RPL7L1: variants seen among roughly 807,000 people sequenced by gnomAD.
RPL7L1 encodes ribosomal protein uL30-like.
A neutral mutation model predicts 30.3 loss-of-function variants in RPL7L1; 20 were observed. That is an observed-to-expected ratio of 0.66 (90% confidence interval 0.46 to 0.96). The LOEUF (loss-of-function observed/expected upper bound fraction) is 0.96, where lower values mean the gene tolerates loss of function less well. Ranked by LOEUF, RPL7L1 falls within the 40% of genes least tolerant of loss-of-function variation. The pLI is 0.00. For synonymous variants in RPL7L1, 107 were observed against 110.1 expected (o/e 0.97, Z 0.18); for missense variants, 271 against 314.9 (o/e 0.86, Z 1.05).
At position 42,884,679 on chromosome 6, in the gene RPL7L1, T is replaced by C. The variant is rs373949611; in HGVS notation, c.378T>C (p.Ser126=). The C allele has an allele frequency of 6.2e-7, 1 of 1,613,710 alleles. No homozygotes were observed. Among genetic ancestry groups the C allele is most frequent in the Non-Finnish European group, 8.5e-7 (1 of 1,179,746 alleles). ...GACTTCGCCTAAAGAAAATTTTTAGTGGTGTCTTTGTAAAAGTCACCCCCC... is the reference window on the plus strand; with the variant it reads ...GACTTCGCCTAAAGAAAATTTTTAGCGGTGTCTTTGTAAAAGTCACCCCCC... ...IARLRLKKIF[S]GVFVKVTPQN... Residue 126 remains serine (S), a synonymous_variant, in exon 4 of 6, where the codon AGT becomes AGC. Coordinates refer to ENST00000493763, the MANE Select transcript of RPL7L1 (RefSeq NM_001366481.3).
intron 2 of RPL7L1, chr6:42,881,861 A>C (rs907884139): frequency 9.9e-5 from 15 of 152,094 alleles, no homozygotes; most frequent in African/African-American, 3.1e-4. Context: ...CCCGGGTTCA[A>C]GCGATTCTCC....
rs774768542 is a variant in RPL7L1 at position 42,883,482 on chromosome 6, G to A, written c.179G>A (p.Arg60Gln). 7.5e-6 allele frequency: 12 copies of A among 1,600,694 alleles called. No individual in the cohort carries two copies. In the African/African-American group the frequency reaches 1.1e-4, roughly 14 times the overall value. ...AAAGGAAAAGGGCTCAGGTTTAAGCGACTGGAATCATTCCTACATGATTCC... is the reference window on the plus strand; with the variant it reads ...AAAGGAAAAGGGCTCAGGTTTAAGCAACTGGAATCATTCCTACATGATTCC... ...QKKGKGLRFK[R>Q]LESFLHDSWR... The change falls in exon 3 of 6, where the codon CGA (arginine) becomes CAA (glutamine). Residue 60 changes from arginine (R) to glutamine (Q), a missense_variant. By Grantham distance (43) the Arg-to-Gln change is conservative. Coordinates refer to ENST00000493763, the MANE Select transcript of RPL7L1 (RefSeq NM_001366481.3).
intron 2 of RPL7L1, chr6:42,883,081 C>T (rs1448532383): frequency 6.1e-6 from 1 of 164,706 alleles, no homozygotes; most frequent in Non-Finnish European, 1.3e-5. Flanking sequence ...AAAGTATTTT[C>T]CATCTGGGGT....
At chr6:42,882,741 A>G (rs947452120) in intron 2 of RPL7L1, 1 of 151,872 alleles carries the variant, frequency 6.6e-6, no homozygotes, top group Non-Finnish European at 1.5e-5. Context: ...CCCTGTCTCT[A>G]CTAAAAATAC....
In RPL7L1 at chr6:42,879,760, A is replaced by C. The variant is rs1413733449; in HGVS notation, c.-151A>C. The C allele has an allele frequency of 5.5e-6, 4 of 732,802 alleles. No individual in the cohort carries two copies. The highest frequency in any genetic ancestry group is 9.7e-6 in the Non-Finnish European group (4 of 413,278). 45.4% of individuals were successfully genotyped at this position (732,802 alleles called of 1,614,324 possible). ...CTCTAAAAACCCTAAGAAGCGGTGC[A>C]ACTTTTGGCAGGAATCGGGGTTAGC... On this transcript the variant is annotated 5_prime_UTR_variant, in exon 1 of 6. Transcript: ENST00000493763.
rs1403637798 is a variant in RPL7L1 at position 42,887,706 on chromosome 6, T to C, written c.*1242T>C. The C allele has an allele frequency of 6.6e-6, 1 of 151,982 alleles. No individual in the cohort carries two copies. The highest frequency in any genetic ancestry group is 1.9e-4 in the East Asian group (1 of 5,200). 9.4% of individuals were successfully genotyped at this position (151,982 alleles called of 1,614,324 possible). On this transcript the variant is annotated 3_prime_UTR_variant, in exon 6 of 6. Coordinates refer to ENST00000493763, the MANE Select transcript of RPL7L1 (RefSeq NM_001366481.3). ...TGTCATCTGAAATCGGCACATTCCA[T>C]GGAGGAAGGAGTCCTGCTTTGTTGC...
rs1020851650 is a variant in RPL7L1, at chr6:42,886,634, T to C, written c.*170T>C. 2 of 605,254 alleles carry C rather than the reference T, an allele frequency of 3.3e-6. No homozygotes were observed. The highest frequency in any genetic ancestry group is 3.7e-5 in the African/African-American group (2 of 53,992). 37.5% of individuals were successfully genotyped at this position (605,254 alleles called of 1,614,324 possible). The stretch of plus-strand genomic sequence containing the variant: ...ATGGAGACCTGCTGGGATCAGTGAA[T>C]GCCTGATTAGGACATGGGGCTATGC... On this transcript the variant is annotated 3_prime_UTR_variant, in exon 6 of 6. Coordinates refer to ENST00000493763, the MANE Select transcript of RPL7L1 (RefSeq NM_001366481.3).
In RPL7L1 at chr6:42,880,945, G is replaced by A. The variant is rs1362809580; in HGVS notation, c.126G>A (p.Gln42=). Residue 42 remains glutamine, a synonymous_variant, in exon 2 of 6, where the codon CAG becomes CAA. Coordinates refer to ENST00000493763, the MANE Select transcript of RPL7L1 (RefSeq NM_001366481.3). ...CCCTCAAAGCCACCCAGGCAAAGCA[G>A]GCACTTTTGGCAAAGAAGGAGGTAA... The part of the protein sequence containing the change: ...YQALKATQAK[Q]ALLAKKEQKK... The A allele has an allele frequency of 1.1e-5, 18 of 1,578,466 alleles. No individual in the cohort carries two copies. Among genetic ancestry groups the A allele is most frequent in the Non-Finnish European group, 1.5e-5 (17 of 1,148,212 alleles).
Position 42,880,953 on chromosome 6 carries a change from T to G in RPL7L1, c.134T>G (p.Leu45Trp). The change falls in exon 2 of 6, where the codon TTG becomes TGG. Residue 45 changes from leucine to tryptophan, a missense_variant. By Grantham distance (61) the Leu-to-Trp change is moderately conservative. Coordinates refer to ENST00000493763, the MANE Select transcript of RPL7L1 (RefSeq NM_001366481.3). ...LKATQAKQALLAKKEQKKGKG... is the reference protein window; with the variant it reads ...LKATQAKQALWAKKEQKKGKG... ...GCCACCCAGGCAAAGCAGGCACTTT[T>G]GGCAAAGAAGGAGGTAATGGTGGGG... 1 of 1,568,582 alleles carries G rather than the reference T, an allele frequency of 6.4e-7. No individual in the cohort carries two copies. The highest frequency in any genetic ancestry group is 8.8e-7 in the Non-Finnish European group (1 of 1,139,006).
rs1188855801 is a variant in RPL7L1, at chr6:42,887,671, T to C, written c.*1207T>C. 6.6e-6 allele frequency: 1 copy of C among 152,202 alleles called. No homozygotes were observed. Among genetic ancestry groups the C allele is most frequent in the Non-Finnish European group, 1.5e-5 (1 of 68,056 alleles). 9.4% of individuals were successfully genotyped at this position (152,202 alleles called of 1,614,324 possible). A position where few individuals can be genotyped will look rare whatever the true frequency, so the allele number is the denominator to read the frequency against. The stretch of plus-strand genomic sequence containing the variant: ...AGGAAAAATTCCAGTGTTTTCTGCA[T>C]TGGGTGCTGTGTCATCTGAAATCGG... On this transcript the variant is annotated 3_prime_UTR_variant, in exon 6 of 6. Transcript: ENST00000493763.
chr6:42,882,134 A>G (rs1275295955), intron 2 of RPL7L1: 1 of 151,930 alleles, frequency 6.6e-6, no homozygotes, highest in African/African-American at 2.4e-5. Context: ...TCCCGGCCTC[A>G]AGTGATCACC....
In RPL7L1 at chr6:42,888,093, A is replaced by G. The variant is rs1422205895; in HGVS notation, c.*1629A>G. 1 of 151,778 alleles carries G rather than the reference A, an allele frequency of 6.6e-6. No individual in the cohort carries two copies. The highest frequency in any genetic ancestry group is 1.5e-5 in the Non-Finnish European group (1 of 67,958). 9.4% of individuals were successfully genotyped at this position (151,778 alleles called of 1,614,324 possible). On this transcript the variant is annotated 3_prime_UTR_variant, in exon 6 of 6. Coordinates refer to ENST00000493763, the MANE Select transcript of RPL7L1 (RefSeq NM_001366481.3). ...CCCTTCGCCAGGAAAACATGTATAC[A>G]CTCAAAATTTTGCTTGCAGTTCTAG...
At chr6:42,883,388 C>T in intron 2 of RPL7L1, 63 bp from the exon 3 acceptor site, 1 of 1,328,256 alleles carries the variant, frequency 7.5e-7, no homozygotes, top group Non-Finnish European at 1.0e-6. Context: ...TTATGAATTA[C>T]TGTTCTAAAA....
intron 2 of RPL7L1, 103 bp from the exon 3 acceptor site, chr6:42,883,348 C>A: frequency 1.1e-6 from 1 of 890,216 alleles, no homozygotes; most frequent in Non-Finnish European, 1.6e-6. Flanking sequence ...CATTGTGGAA[C>A]ACGGGGAAAT....
rs1352566596 is a variant in RPL7L1 at position 42,886,103 on chromosome 6, G to T, written c.559+20G>T. The T allele has an allele frequency of 2.1e-6, 3 of 1,454,992 alleles. No individual in the cohort carries two copies. The highest frequency in any genetic ancestry group is 2.3e-5 in the East Asian group (1 of 44,144). 90.1% of individuals were successfully genotyped at this position (1,454,992 alleles called of 1,614,324 possible). A position where few individuals can be genotyped will look rare whatever the true frequency, so the allele number is the denominator to read the frequency against. On this transcript the variant is annotated intron_variant, in intron 5 of 5. Transcript: ENST00000493763. Reference sequence around the variant, plus strand: ...ACCTGGGTGAGTGCTACAGCTTAGGGATCAGCTGGGGCAGAAAGCCAGGGT... The same window carrying T: ...ACCTGGGTGAGTGCTACAGCTTAGGTATCAGCTGGGGCAGAAAGCCAGGGT...
intron 4 of RPL7L1, 125 bp downstream of exon 4, chr6:42,884,875 C>T (rs926593459): frequency 1.1e-6 from 1 of 906,026 alleles, no homozygotes; most frequent in Admixed American, 2.4e-5. Context: ...CCACAGTCAA[C>T]CTGAAATCAG....
chr6:42,883,644 G>T, intron 3 of RPL7L1, 30 bp downstream of exon 3: 1 of 1,546,136 alleles, frequency 6.5e-7, no homozygotes, highest in Non-Finnish European at 8.7e-7. Flanking sequence ...CTAATTGCAT[G>T]AGGCTGGGGC....
At chr6:42,884,829 G>A (rs915288449) in intron 4 of RPL7L1, 79 bp downstream of exon 4, 23 of 1,393,094 alleles carry the variant, frequency 1.7e-5, no homozygotes, top group Non-Finnish European at 2.2e-5. Flanking sequence ...TGCTTTCCAG[G>A]GCTCATGTTG....
chr6:42,879,988 C>T (rs758542091), intron 1 of RPL7L1, 37 bp downstream of exon 1: 5 of 1,604,000 alleles, frequency 3.1e-6, no homozygotes, highest in Middle Eastern at 1.6e-4. Flanking sequence ...GGAGTGGGGT[C>T]TTGAGTATCC....
Sources: allele counts gnomAD v4.1 joint callset, GRCh38; gene constraint gnomAD v4.1.1; transcripts MANE v1.5; gene names NCBI Gene and HGNC (gene_info 2026-07-23, HGNC 2026-07-21).